Variants in CPAMD8 observed in about 807,000 individuals in gnomAD.
The protein encoded by CPAMD8 is C3 and PZP like alpha-2-macroglobulin domain containing 8, also known as C3 and PZP-like alpha-2-macroglobulin domain-containing protein 8.
In CPAMD8, 146 loss-of-function variants were observed where a neutral mutation model predicts 224.7. The observed-to-expected ratio is 0.65, with a 90% CI of 0.57 to 0.75. CPAMD8 has a LOEUF of 0.75. Ranked by LOEUF, CPAMD8 falls within the 30% of genes least tolerant of loss-of-function variation. CPAMD8 has a pLI of 0.00. For missense variants in CPAMD8, 2,301 were observed against 2,537.5 expected (o/e 0.91, Z 2.00); for synonymous variants, 966 against 1,044.6 (o/e 0.92, Z 1.45).
Position 16,899,664 on chromosome 19 carries a change from G to C in CPAMD8, c.4774-115C>G. 7 of 676,694 alleles carry C rather than the reference G, an allele frequency of 1.0e-5. No homozygotes were observed. Among genetic ancestry groups the C allele is most frequent in the Non-Finnish European group, 1.9e-5 (7 of 367,706 alleles). 41.9% of individuals were successfully genotyped at this position (676,694 alleles called of 1,614,324 possible). On this transcript the variant is annotated intron_variant, in intron 36 of 41. Transcript: ENST00000443236. The surrounding 1 kb of genome is among the most constrained non-coding windows in gnomAD (Gnocchi z 5.4). ...ACTTGCCCACAAGTTACCATGGGCT[G>C]GGGTCTGGGTGCTGGTCAGTGCTCC...
chr19:16,966,267 G>A (rs1441039011), intron 18 of CPAMD8, among the ~76,000 whole-genome samples: 1 of 152,326 alleles, frequency 6.6e-6, no homozygotes, highest in Middle Eastern at 3.4e-3. Flanking sequence ...AATAAATGGT[G>A]CTGGGAAAAC....
intron 23 of CPAMD8, among the ~76,000 whole-genome samples, chr19:16,936,249 C>A (rs1288419784): frequency 6.6e-6 from 1 of 151,836 alleles, no homozygotes; most frequent in Non-Finnish European, 1.5e-5. Context: ...CTTAGCCATT[C>A]TTATAGGTGG....
chr19:16,902,490 C>T lies in CPAMD8; in HGVS notation c.4685+159G>A, dbSNP rs113757897. Among the ~76,000 whole-genome samples the T allele has an allele frequency of 2.0e-3, 311 of 152,254 alleles. 2 individuals carry two copies. Among genetic ancestry groups the T allele is most frequent in the African/African-American group, 7.1e-3 (294 of 41,552 alleles). On this transcript the variant is annotated intron_variant, in intron 35 of 41. Coordinates refer to ENST00000443236, the MANE Select transcript of CPAMD8 (RefSeq NM_015692.5). The stretch of plus-strand genomic sequence containing the variant: ...CGAGATCGCACCATTGCACTCCAGC[C>T]TGGGCGACAGGGTGAGACTCTGTCT...
chr19:16,979,636 T>C (rs1255561364), intron 14 of CPAMD8, among the ~76,000 whole-genome samples: 3 of 151,374 alleles, frequency 2.0e-5, no homozygotes, highest in Admixed American at 2.0e-4. Context: ...TCATCCATCT[T>C]TCTATCTGTC....
intron 31 of CPAMD8, 44 bp from the exon 32 acceptor site, chr19:16,904,406 T>C (rs779467425): frequency 3.1e-6 from 5 of 1,614,104 alleles, no homozygotes; most frequent in East Asian, 2.2e-5. Context: ...CACAGGGACA[T>C]GGACCCAGTG....
intron 30 of CPAMD8, among the ~76,000 whole-genome samples, chr19:16,905,699 T>A (rs914729163): frequency 1.3e-5 from 2 of 152,014 alleles, no homozygotes; most frequent in African/African-American, 4.8e-5. Context: ...CTCTTTAAAC[T>A]TTTTTCTTTC....
intron 16 of CPAMD8, 105 bp downstream of exon 16, chr19:16,975,897 T>C: frequency 8.2e-7 from 1 of 1,224,764 alleles, no homozygotes; most frequent in Admixed American, 3.2e-5. Flanking sequence ...GAATCTGGAT[T>C]CAAATGCCAC....
At chr19:16,972,094 G>A (rs1249723103) in intron 17 of CPAMD8, among the ~76,000 whole-genome samples, 2 of 152,178 alleles carry the variant, frequency 1.3e-5, no homozygotes, top group East Asian at 1.9e-4. Flanking sequence ...GGGGAGAGCA[G>A]GGGAGGAAAT....
chr19:17,018,148 G>A (rs533614457), intron 3 of CPAMD8, among the ~76,000 whole-genome samples: 7 of 151,998 alleles, frequency 4.6e-5, no homozygotes, highest in African/African-American at 7.2e-5. Context: ...GGAGATGGGC[G>A]CCTTATAATT....
At chr19:17,001,319 T>C (rs2056308926) in intron 9 of CPAMD8, among the ~76,000 whole-genome samples, 2 of 46,646 alleles carry the variant, frequency 4.3e-5, no homozygotes, top group East Asian at 5.5e-4. Flanking sequence ...AGACTCCGTC[T>C]GAAAAAAAAA....
intron 12 of CPAMD8, among the ~76,000 whole-genome samples, chr19:16,992,083 T>C (rs898477864): frequency 6.6e-6 from 1 of 152,148 alleles, no homozygotes; most frequent in Non-Finnish European, 1.5e-5. Flanking sequence ...GGCCGCCAGG[T>C]CCACTGCCAG....
chr19:16,924,206 C>G (rs76427155), intron 26 of CPAMD8, among the ~76,000 whole-genome samples: 2 of 150,152 alleles, frequency 1.3e-5, no homozygotes, highest in East Asian at 3.9e-4. Context: ...CTAAGCCACC[C>G]GGTTTGTGGC....
At chr19:16,923,440 G>T (rs147776188) in intron 26 of CPAMD8, among the ~76,000 whole-genome samples, 105 of 152,270 alleles carry the variant, frequency 6.9e-4, no homozygotes, top group Non-Finnish European at 1.3e-3. Flanking sequence ...CACTGTGTGT[G>T]GTCTGAGCCT....
chr19:16,896,079 G>T, intron 41 of CPAMD8, 97 bp downstream of exon 41: 1 of 1,386,724 alleles, frequency 7.2e-7, no homozygotes, highest in South Asian at 1.2e-5. Context: ...GCGGGGCGGA[G>T]GAGTCGGGGC....
In CPAMD8 at chr19:16,935,382, G is replaced by A. The variant is rs113673511; in HGVS notation, c.2845+3013C>T. Among the ~76,000 whole-genome samples the A allele has an allele frequency of 2.4e-3, 359 of 152,138 alleles. 1 individual carries two copies. The highest frequency in any genetic ancestry group is 7.6e-3 in the African/African-American group (316 of 41,492). ...TCCCAACACCACAGAGATTCTCACC[G>A]TTGCCCATTTATAACCATATCCATC... On this transcript the variant is annotated intron_variant, in intron 23 of 41. Transcript: ENST00000443236.
intron 2 of CPAMD8, 100 bp downstream of exon 2, chr19:17,021,930 A>T: frequency 1.6e-6 from 1 of 613,892 alleles, no homozygotes. Flanking sequence ...GGCAGAAGGG[A>T]AGCAAAGCAA....
chr19:16,936,298 C>T (rs1452780126), intron 23 of CPAMD8, among the ~76,000 whole-genome samples: 2 of 152,074 alleles, frequency 1.3e-5, no homozygotes, highest in Non-Finnish European at 2.9e-5. Flanking sequence ...TTTGCATTTC[C>T]CTAATGATAA....
chr19:16,947,150 C>T lies in CPAMD8; in HGVS notation c.2586G>A (p.Met862Ile), dbSNP rs191475082. The T allele has an allele frequency of 9.3e-6, 15 of 1,613,904 alleles. No individual in the cohort carries two copies. Among genetic ancestry groups the T allele is most frequent in the Admixed American group, 5.0e-5 (3 of 60,002 alleles). The part of the protein sequence containing the change: ...HPGKRHVTKK[M>I]CVAPGEAEPI... ...GCTCAGCCTCCCCGGGGGCCACACA[C>T]ATCTTCTTGGTCACATGGCGTTTGC... Residue 862 changes from methionine to isoleucine, a missense_variant, in exon 21 of 42, where the codon ATG becomes ATA. By Grantham distance (10) the Met-to-Ile change is conservative. Around this residue, in one of 4 missense-constraint regions of CPAMD8, gnomAD observed 1,709 missense variants for 1,753.2 expected, o/e 0.97. Coordinates refer to ENST00000443236, the MANE Select transcript of CPAMD8 (RefSeq NM_015692.5).
At position 16,921,572 on chromosome 19, in the gene CPAMD8, C is replaced by T. The variant is rs866687614; in HGVS notation, c.3629+333G>A. 6.2e-4 allele frequency among the ~76,000 whole-genome samples: 95 copies of T among 152,170 alleles called. 1 individual carries two copies. Among genetic ancestry groups the T allele is most frequent in the Middle Eastern group, 3.2e-3 (1 of 316 alleles). On this transcript the variant is annotated intron_variant, in intron 27 of 41. Transcript: ENST00000443236. ...CCCTCTGCCCTGCCATCTCCTCCTG[C>T]TCCAGTCACCGCTATTCCTGAGTCC...
Sources: allele counts gnomAD v4.1 joint callset (sites outside exome capture counted in the v4.1 genomes callset), GRCh38; gene constraint gnomAD v4.1.1; regional missense constraint gnomAD v4.1.1; non-coding constraint Gnocchi (gnomAD v3.1); transcripts MANE v1.5; gene names NCBI Gene and HGNC (gene_info 2026-07-23, HGNC 2026-07-21).